Variants in PDE4D observed in about 807,000 individuals in gnomAD.
PDE4D encodes the protein phosphodiesterase 4D, also known as 3',5'-cyclic-AMP phosphodiesterase 4D.
Under a neutral mutation model 87.4 loss-of-function variants are expected in PDE4D, and 24 were observed. That is an observed-to-expected ratio of 0.27 (90% confidence interval 0.20 to 0.39). The LOEUF is 0.39. Ranked by LOEUF, PDE4D falls within the 10% of genes least tolerant of loss-of-function variation. The pLI is 1.00. For synonymous variants in PDE4D, 384 were observed against 383.2 expected (o/e 1.00, Z -0.02); for missense variants, 714 against 1,041.0 (o/e 0.69, Z 4.32).
chr5:59,624,588 A>G (rs1830690202), intron 1 of PDE4D, among the ~76,000 whole-genome samples: 1 of 152,228 alleles, frequency 6.6e-6, no homozygotes, highest in South Asian at 2.1e-4. Flanking sequence ...GTCTGAGCAG[A>G]CTGATGCACA....
intron 1 of PDE4D, among the ~76,000 whole-genome samples, chr5:60,205,039 C>T (rs759291958): frequency 9.9e-5 from 15 of 152,260 alleles, no homozygotes; most frequent in Non-Finnish European, 1.8e-4. Context: ...ACGTGTGCCC[C>T]GTTTTCAGCA....
chr5:59,730,632 T>C (rs1757240932), intron 1 of PDE4D, among the ~76,000 whole-genome samples: 1 of 152,106 alleles, frequency 6.6e-6, no homozygotes, highest in Non-Finnish European at 1.5e-5. Context: ...GGATCAGCTA[T>C]AAATAGTCAC....
intron 1 of PDE4D, among the ~76,000 whole-genome samples, chr5:59,518,316 A>G (rs1040108708): frequency 6.6e-6 from 1 of 152,150 alleles, no homozygotes; most frequent in African/African-American, 2.4e-5. Context: ...TGCTAAAAAA[A>G]AAAATAAAGC....
chr5:59,310,734 G>A (rs1772420347), intron 1 of PDE4D, among the ~76,000 whole-genome samples: 1 of 152,188 alleles, frequency 6.6e-6, no homozygotes, highest in South Asian at 2.1e-4. Flanking sequence ...CCCACGGGTG[G>A]CAGATGGATT....
rs191495627 is a variant in PDE4D at position 60,277,581 on chromosome 5, C to T, written c.-89-91894G>A. ...ATGAGGGCTGGAGTTCATAATATTACATCATATACTGAAATTTTGCTAAGA... is the reference window on the plus strand; with the variant it reads ...ATGAGGGCTGGAGTTCATAATATTATATCATATACTGAAATTTTGCTAAGA... On this transcript the variant is annotated intron_variant, in intron 1 of 16. Transcript: ENST00000502484. 4.9e-3 allele frequency among the ~76,000 whole-genome samples: 753 copies of T among 152,206 alleles called. 5 individuals carry two copies. The highest frequency in any genetic ancestry group is 0.017 in the African/African-American group (723 of 41,538).
chr5:59,200,861 T>C (rs976122041), intron 2 of PDE4D, among the ~76,000 whole-genome samples: 3 of 151,996 alleles, frequency 2.0e-5, no homozygotes, highest in Non-Finnish European at 2.9e-5. Flanking sequence ...TGTGAGCACA[T>C]GTATGCAATA....
intron 5 of PDE4D, among the ~76,000 whole-genome samples, chr5:59,052,922 C>T (rs1761759632): frequency 6.6e-6 from 1 of 151,986 alleles, no homozygotes; most frequent in Admixed American, 6.6e-5. Context: ...AATATAAGAG[C>T]TGCTTTTAAT....
chr5:58,985,545 A>C, intron 11 of PDE4D, among the ~76,000 whole-genome samples: 1 of 152,224 alleles, frequency 6.6e-6, no homozygotes, highest in East Asian at 1.9e-4. Flanking sequence ...ATGTGCCTTA[A>C]GCTCTCAGTG....
intron 1 of PDE4D, among the ~76,000 whole-genome samples, chr5:60,298,384 C>T (rs1436718453): frequency 6.6e-6 from 1 of 152,094 alleles, no homozygotes; most frequent in Non-Finnish European, 1.5e-5. Flanking sequence ...AAACACATCC[C>T]TAGAGAAATT....
chr5:59,624,918 T>C (rs891318833), intron 1 of PDE4D, among the ~76,000 whole-genome samples: 1 of 152,194 alleles, frequency 6.6e-6, no homozygotes, highest in African/African-American at 2.4e-5. Flanking sequence ...CCTTTTCAAA[T>C]ATAATGGAAA....
chr5:60,312,329 G>A (rs1260462708), intron 1 of PDE4D, among the ~76,000 whole-genome samples: 3 of 152,086 alleles, frequency 2.0e-5, no homozygotes, highest in East Asian at 1.9e-4. Flanking sequence ...TCAAAAAAAC[G>A]GAAATCATAC....
At chr5:59,299,118 G>C (rs578131421) in intron 1 of PDE4D, among the ~76,000 whole-genome samples, 13 of 152,298 alleles carry the variant, frequency 8.5e-5, no homozygotes, top group African/African-American at 3.1e-4. Context: ...TTATTACAAA[G>C]ACCAGTAGCT....
chr5:58,978,779 G>C (rs577875005), intron 11 of PDE4D, among the ~76,000 whole-genome samples: 7 of 152,216 alleles, frequency 4.6e-5, no homozygotes, highest in Non-Finnish European at 1.0e-4. Context: ...AAACAATAGT[G>C]TTTATCTTTT....
intron 2 of PDE4D, among the ~76,000 whole-genome samples, chr5:60,064,071 A>G (rs1001713599): frequency 1.2e-4 from 19 of 152,090 alleles, no homozygotes; most frequent in Non-Finnish European, 2.5e-4. Context: ...GGACAAATTG[A>G]TTTTAAGTAA....
At chr5:60,432,041 C>T (rs941641844) in intron 1 of PDE4D, among the ~76,000 whole-genome samples, 1 of 151,852 alleles carries the variant, frequency 6.6e-6, no homozygotes, top group Non-Finnish European at 1.5e-5. Context: ...AGCTTCAGCT[C>T]GGCATCAGAG....
chr5:60,240,659 C>A (rs1369686790), intron 1 of PDE4D, among the ~76,000 whole-genome samples: 1 of 152,084 alleles, frequency 6.6e-6, no homozygotes, highest in African/African-American at 2.4e-5. Flanking sequence ...CCACCCCTAG[C>A]CCTAGGTGGT....
rs148808229 is a variant in PDE4D at position 60,467,587 on chromosome 5, A to G, written c.-90+20355T>C. ...TAAAAGCCATGCTTACACTGGCCCAATCCATTTCTTCTGCCTTAATTCTGG... is the reference window on the plus strand; with the variant it reads ...TAAAAGCCATGCTTACACTGGCCCAGTCCATTTCTTCTGCCTTAATTCTGG... On this transcript the variant is annotated intron_variant, in intron 1 of 16. Transcript: ENST00000502484. Among the ~76,000 whole-genome samples the G allele has an allele frequency of 5.6e-4, 85 of 152,232 alleles. 1 individual carries two copies. The East Asian group carries it at 0.014, about 25-fold the overall frequency.
chr5:60,347,403 A>G (rs1370073483), intron 1 of PDE4D, among the ~76,000 whole-genome samples: 1 of 152,162 alleles, frequency 6.6e-6, no homozygotes, highest in Non-Finnish European at 1.5e-5. Flanking sequence ...ATCTAAGAGC[A>G]ATGAAAAGCT....
At chr5:59,783,984 G>C (rs1764886844) in intron 1 of PDE4D, among the ~76,000 whole-genome samples, 1 of 152,146 alleles carries the variant, frequency 6.6e-6, no homozygotes, top group African/African-American at 2.4e-5. Context: ...TTTCAGCCTG[G>C]AAGGTCAAGG....
Sources: allele counts gnomAD v4.1 joint callset (sites outside exome capture counted in the v4.1 genomes callset), GRCh38; gene constraint gnomAD v4.1.1; transcripts MANE v1.5; gene names NCBI Gene and HGNC (gene_info 2026-07-23, HGNC 2026-07-21).